The following PLXNA2 variants were observed in gnomAD, a reference collection of about 807,000 sequenced individuals.
PLXNA2 encodes plexin A2, also known as plexin-A2.
PLXNA2 carries 91 observed loss-of-function variants against 193.5 expected under a neutral mutation model. That is an observed-to-expected ratio of 0.47 (90% CI 0.40 to 0.56). PLXNA2 has a LOEUF of 0.56. Ranked by LOEUF, PLXNA2 falls within the 20% of genes least tolerant of loss-of-function variation. The pLI, the probability that PLXNA2 is intolerant of heterozygous loss-of-function variation, is 0.00. For missense variants in PLXNA2, 1,995 were observed against 2,503.2 expected (o/e 0.80, Z 4.33); for synonymous variants, 997 against 1,027.3 (o/e 0.97, Z 0.56).
chr1:208,135,286 C>T (rs781130035), intron 4 of PLXNA2, among the ~76,000 whole-genome samples: 25 of 152,114 alleles, frequency 1.6e-4, no homozygotes, highest in African/African-American at 5.8e-4. Context: ...TTTTAAATTA[C>T]GTTAAACAGA....
At chr1:208,085,975 C>T (rs1459648208) in intron 9 of PLXNA2, among the ~76,000 whole-genome samples, 7 of 152,142 alleles carry the variant, frequency 4.6e-5, no homozygotes, top group Admixed American at 4.6e-4. Context: ...TTTAAATCAT[C>T]ACCTTCTCTG....
At chr1:208,103,013 C>G (rs1181775367) in intron 5 of PLXNA2, 134 bp downstream of exon 5, 14 of 708,092 alleles carry the variant, frequency 2.0e-5, no homozygotes, top group Admixed American at 1.0e-4. Context: ...GCTCTCAACA[C>G]TGAAGCCACG....
chr1:208,079,437 C>G lies in PLXNA2; in HGVS notation c.2409G>C (p.Lys803Asn), dbSNP rs774425246. Residue 803 changes from lysine (K) to asparagine (N), a missense_variant, in exon 12 of 32, where the codon AAG becomes AAC. Around this residue, in one of 3 missense-constraint regions of PLXNA2, gnomAD observed 1,291 missense variants for 1,673.6 expected, o/e 0.77. Coordinates refer to ENST00000367033, the MANE Select transcript of PLXNA2 (RefSeq NM_025179.4). The part of the protein sequence containing the change: ...NPQDLKVHLY[K>N]CAAQRESCGL... ...CGCAGCTCTCCCGCTGGGCTGCACACTTGTAGAGATGGACTGCAAAGAGAG... is the reference window on the plus strand; with the variant it reads ...CGCAGCTCTCCCGCTGGGCTGCACAGTTGTAGAGATGGACTGCAAAGAGAG... 14 of 1,594,582 alleles carry G rather than the reference C, an allele frequency of 8.8e-6. No homozygotes were observed. The Admixed American group carries it at 1.0e-4, about 12-fold the overall frequency.
At chr1:208,194,262 G>C (rs755463616) in intron 3 of PLXNA2, among the ~76,000 whole-genome samples, 1 of 151,680 alleles carries the variant, frequency 6.6e-6, no homozygotes, top group Non-Finnish European at 1.5e-5. Flanking sequence ...CATAGGTTCT[G>C]CCTGCTGTTA....
chr1:208,208,132 C>T (rs1670798249), intron 3 of PLXNA2, among the ~76,000 whole-genome samples: 1 of 152,228 alleles, frequency 6.6e-6, no homozygotes, highest in East Asian at 1.9e-4. Flanking sequence ...ACTCAAGGTC[C>T]CTTTGTATCT....
Position 208,040,029 on chromosome 1 carries a change from G to T in PLXNA2, c.4316C>A (p.Thr1439Asn). 6.2e-7 allele frequency: 1 copy of T among 1,614,122 alleles called. No individual in the cohort carries two copies. Among genetic ancestry groups the T allele is most frequent in the Non-Finnish European group, 8.5e-7 (1 of 1,180,002 alleles). Residue 1439 changes from threonine to asparagine, a missense_variant, in exon 23 of 32, where the codon ACC (threonine) becomes AAC (asparagine). Transcript: ENST00000367033. ...GTGCAGGAGGAAGGCGAACCAATTG[G>T]TCAGCATCTTTTCAGCCACAGACTC... ...RTESVAEKML[T>N]NWFAFLLHKF...
At chr1:208,197,430 C>T (rs1670396866) in intron 3 of PLXNA2, among the ~76,000 whole-genome samples, 1 of 152,218 alleles carries the variant, frequency 6.6e-6, no homozygotes. Flanking sequence ...GACCGGGTTT[C>T]CCCGTGACTA....
Position 208,044,475 on chromosome 1 carries a change from G to C in PLXNA2, c.3874+33C>G. On this transcript the variant is annotated intron_variant, in intron 20 of 31. Transcript: ENST00000367033. The surrounding 1 kb of genome is among the most constrained non-coding windows in gnomAD (Gnocchi z 4.9). The stretch of plus-strand genomic sequence containing the variant: ...GGCAATAAGGCAGGTGGAGAAAGAG[G>C]GACCCAGCAAATGAGGGTGTGCTTC... The C allele has an allele frequency of 1.4e-6, 2 of 1,475,772 alleles. No homozygotes were observed. The highest frequency in any genetic ancestry group is 1.9e-6 in the Non-Finnish European group (2 of 1,054,628). 91.4% of individuals were successfully genotyped at this position (1,475,772 alleles called of 1,614,324 possible). A position where few individuals can be genotyped will look rare whatever the true frequency, so the allele number is the denominator to read the frequency against.
intron 28 of PLXNA2, among the ~76,000 whole-genome samples, chr1:208,032,981 G>A (rs578139345): frequency 6.6e-6 from 1 of 151,872 alleles, no homozygotes; most frequent in African/African-American, 2.4e-5. Context: ...GAACAGCGGT[G>A]GCCTGATCCT....
At position 208,073,099 on chromosome 1, in the gene PLXNA2, T is replaced by A. The variant is rs1666025287; in HGVS notation, c.2586+6161A>T. Among the ~76,000 whole-genome samples, 5 of 152,324 alleles carry A rather than the reference T, an allele frequency of 3.3e-5. No individual in the cohort carries two copies. In the South Asian group the frequency reaches 6.2e-4, roughly 19 times the overall value. ...CCCAACTCTTAAGTGAAGATAATAA[T>A]AGCCAACTTGCAGGGTTGTTTGAAG... is the stretch of plus-strand genomic sequence containing the variant. On this transcript the variant is annotated intron_variant, in intron 12 of 31. Transcript: ENST00000367033.
chr1:208,238,633 G>T (rs985880549), intron 1 of PLXNA2, among the ~76,000 whole-genome samples: 2 of 151,946 alleles, frequency 1.3e-5, no homozygotes, highest in East Asian at 1.9e-4. Flanking sequence ...AATGAAAGGG[G>T]GAATTATAAT....
At chr1:208,214,099 C>G (rs567243509) in intron 2 of PLXNA2, among the ~76,000 whole-genome samples, 3 of 151,608 alleles carry the variant, frequency 2.0e-5, no homozygotes, top group African/African-American at 7.3e-5. Flanking sequence ...ACATTGGTTA[C>G]GGCCAGTGGC....
In PLXNA2 at chr1:208,052,403, T is replaced by TC. The variant is rs756374619; in HGVS notation, c.2916dup (p.Thr973AspfsTer31). 6.2e-7 allele frequency: 1 copy of TC among 1,614,064 alleles called. No individual in the cohort carries two copies. Among genetic ancestry groups the TC allele is most frequent in the Non-Finnish European group, 8.5e-7 (1 of 1,179,960 alleles). On this transcript the variant is annotated frameshift_variant, in exon 15 of 32. Transcript: ENST00000367033. LOFTEE classifies it high-confidence loss of function. The stretch of plus-strand genomic sequence containing the variant: ...GCCCCAAGGTAATGGCCGGTAATGG[T>TC]CACCATAGTGCCTCCTGACTCGGGA...
In PLXNA2 at chr1:208,083,973, G is replaced by C. The variant is rs542470384; in HGVS notation, c.2298+407C>G. Among the ~76,000 whole-genome samples, 5 of 152,236 alleles carry C rather than the reference G, an allele frequency of 3.3e-5. No homozygotes were observed. The East Asian group carries it at 9.7e-4, about 29-fold the overall frequency. Reference sequence around the variant, plus strand: ...TCGCTCTGGTTCAAGTTTCACTGAAGACAAAGAGGTGCTCTTTCAACTTCA... The same window carrying C: ...TCGCTCTGGTTCAAGTTTCACTGAACACAAAGAGGTGCTCTTTCAACTTCA... On this transcript the variant is annotated intron_variant, in intron 10 of 31. Coordinates refer to ENST00000367033, the MANE Select transcript of PLXNA2 (RefSeq NM_025179.4).
In PLXNA2 at chr1:208,026,669, T is replaced by TC. The variant is rs397957638; in HGVS notation, c.*573_*574insG. Reference sequence around the variant, plus strand: ...CTCTTTCTCTTTTTTTTTTTTTTTTTAATTTCAAGGAAAAGGAGACAGTCA... The same window carrying TC: ...CTCTTTCTCTTTTTTTTTTTTTTTTTCAATTTCAAGGAAAAGGAGACAGTCA... On this transcript the variant is annotated 3_prime_UTR_variant, in exon 32 of 32. Transcript: ENST00000367033. The TC allele has an allele frequency of 3.3e-5, 5 of 149,968 alleles. No homozygotes were observed. The highest frequency in any genetic ancestry group is 6.6e-5 in the Admixed American group (1 of 15,076). The allele number at this position is 149,968 out of a possible 1,614,324, so 9.3% of individuals were successfully genotyped here. A position where few individuals can be genotyped will look rare whatever the true frequency, so the allele number is the denominator to read the frequency against.
chr1:208,034,653 T>C (rs1242039712), intron 26 of PLXNA2, 61 bp from the exon 27 acceptor site: 1 of 1,027,878 alleles, frequency 9.7e-7, no homozygotes, highest in Non-Finnish European at 1.5e-6. Context: ...GGAAGTTGGA[T>C]AGTCAAGTAT....
Position 208,139,007 on chromosome 1 carries a change from A to G in PLXNA2, c.1506+3322T>C, listed in dbSNP as rs138948928. Among the ~76,000 whole-genome samples, 38 of 152,374 alleles carry G rather than the reference A, an allele frequency of 2.5e-4. 1 individual carries two copies. Among genetic ancestry groups the G allele is most frequent in the African/African-American group, 7.5e-4 (31 of 41,590 alleles). On this transcript the variant is annotated intron_variant, in intron 4 of 31. Coordinates refer to ENST00000367033, the MANE Select transcript of PLXNA2 (RefSeq NM_025179.4). ...ATGCCACTGCACCACAGCCTGGGTG[A>G]CAGGGCAATAGTGAGACTCTGTCTC...
intron 3 of PLXNA2, among the ~76,000 whole-genome samples, chr1:208,168,724 G>T (rs2801202): frequency 0.51 from 36,803 of 72,830 alleles, 9,218 homozygotes; most frequent in Middle Eastern, 0.68. Flanking sequence ...AGTATGCGGG[G>T]TTTTTTTTTT....
chr1:208,182,540 C>T (rs1225869399), intron 3 of PLXNA2, among the ~76,000 whole-genome samples: 1 of 152,056 alleles, frequency 6.6e-6, no homozygotes, highest in Non-Finnish European at 1.5e-5. Context: ...CTTGCTCTGC[C>T]CATGCGAGTG....
Sources: gnomAD v4.1 joint callset for allele counts (sites outside exome capture counted in the v4.1 genomes callset) on GRCh38, gnomAD v4.1.1 for gene constraint, gnomAD v4.1.1 regional missense constraint, Gnocchi (gnomAD v3.1) non-coding constraint, MANE v1.5 for transcripts, NCBI Gene and HGNC (gene_info 2026-07-23, HGNC 2026-07-21) for gene names.